ADGRL3: variants seen among roughly 807,000 people sequenced by gnomAD.
ADGRL3 encodes the protein calcium-independent alpha-latrotoxin receptor 3.
A neutral mutation model predicts 153.5 loss-of-function variants in ADGRL3; 62 were observed. The ratio of observed to expected loss-of-function variants is 0.40; its 90% CI spans 0.33 to 0.50. The LOEUF is 0.50. Among genes scored for constraint, ADGRL3 ranks in the 20% least tolerant of loss-of-function variants. The pLI, the probability that ADGRL3 is intolerant of heterozygous loss-of-function variation, is 0.47. For synonymous variants in ADGRL3, 710 were observed against 672.5 expected, an observed-to-expected ratio of 1.06 and a Z score of -0.86; for missense variants, 1,641 against 1,859.4, an observed-to-expected ratio of 0.88 and a Z score of 2.16.
chr4:61,969,921 A>G (rs1355281128), intron 17 of ADGRL3, among the ~76,000 whole-genome samples: 1 of 152,066 alleles, frequency 6.6e-6, no homozygotes, highest in Non-Finnish European at 1.5e-5. Context: ...ATTTCTTTTA[A>G]CCTTCTGCAT....
At chr4:61,249,879 A>G (rs776510816) in intron 1 of ADGRL3, among the ~76,000 whole-genome samples, 2 of 152,226 alleles carry the variant, frequency 1.3e-5, no homozygotes, top group Non-Finnish European at 2.9e-5. Flanking sequence ...GGCCTGGAAC[A>G]TAGTAAACAT....
intron 1 of ADGRL3, among the ~76,000 whole-genome samples, chr4:61,227,051 A>G (rs1425781053): frequency 6.6e-6 from 1 of 151,662 alleles, no homozygotes; most frequent in Non-Finnish European, 1.5e-5. Context: ...TTTTTAATTT[A>G]TGTTTTCTGA....
At chr4:61,351,993 T>C (rs927067807) in intron 1 of ADGRL3, among the ~76,000 whole-genome samples, 5 of 152,186 alleles carry the variant, frequency 3.3e-5, no homozygotes, top group African/African-American at 7.2e-5. Context: ...ATTCCTCTGA[T>C]GGATTCAGGC....
chr4:61,244,079 C>CT (rs1756091063), intron 1 of ADGRL3, among the ~76,000 whole-genome samples: 1 of 151,946 alleles, frequency 6.6e-6, no homozygotes, highest in African/African-American at 2.4e-5. Context: ...CCCTATCTGT[C>CT]ATATTTTATA....
At chr4:61,425,126 G>A (rs1315248525) in intron 2 of ADGRL3, among the ~76,000 whole-genome samples, 1 of 152,130 alleles carries the variant, frequency 6.6e-6, no homozygotes, top group Non-Finnish European at 1.5e-5. Context: ...TTATATTTGT[G>A]CAGGCTATGG....
At chr4:61,823,891 C>T (rs1399936673) in intron 9 of ADGRL3, among the ~76,000 whole-genome samples, 4 of 151,970 alleles carry the variant, frequency 2.6e-5, no homozygotes, top group African/African-American at 9.7e-5. Context: ...GAAACCCTGT[C>T]TCTACTAAAA....
At chr4:61,831,729 A>C (rs1264891962) in intron 9 of ADGRL3, among the ~76,000 whole-genome samples, 1 of 152,114 alleles carries the variant, frequency 6.6e-6, no homozygotes, top group East Asian at 1.9e-4. Flanking sequence ...AACTCAAATA[A>C]AATTTTTAAG....
At chr4:61,566,376 C>T (rs7699387) in intron 4 of ADGRL3, among the ~76,000 whole-genome samples, 51,604 of 151,974 alleles carry the variant, frequency 0.34, 11,061 homozygotes, top group Non-Finnish European at 0.48. Context: ...TGTAAAGACC[C>T]TGTCTTCCAA....
intron 4 of ADGRL3, among the ~76,000 whole-genome samples, chr4:61,568,438 G>A (rs1458549349): frequency 6.6e-6 from 1 of 151,846 alleles, no homozygotes; most frequent in Non-Finnish European, 1.5e-5. Context: ...GAAATTCATG[G>A]TCTAACTACC....
At chr4:61,707,723 A>T (rs77154170) in intron 6 of ADGRL3, among the ~76,000 whole-genome samples, 11,383 of 152,244 alleles carry the variant, frequency 0.075, 515 homozygotes, top group Middle Eastern at 0.12. Flanking sequence ...GAAGTAAAAG[A>T]AAGGAAAACC....
intron 8 of ADGRL3, among the ~76,000 whole-genome samples, chr4:61,771,591 G>T (rs563809773): frequency 6.6e-6 from 1 of 152,074 alleles, no homozygotes; most frequent in Non-Finnish European, 1.5e-5. Context: ...CCTTTAATTA[G>T]TTATTTTTTT....
intron 4 of ADGRL3, among the ~76,000 whole-genome samples, chr4:61,572,156 G>T (rs1267292496): frequency 1.3e-5 from 2 of 151,964 alleles, no homozygotes; most frequent in Non-Finnish European, 2.9e-5. Flanking sequence ...AATACTTGCT[G>T]TAATAGATTT....
intron 8 of ADGRL3, among the ~76,000 whole-genome samples, chr4:61,768,745 A>G (rs1489819423): frequency 6.6e-6 from 1 of 151,960 alleles, no homozygotes; most frequent in African/African-American, 2.4e-5. Context: ...GGAAGGTGGA[A>G]GCTTGCCCAT....
intron 1 of ADGRL3, among the ~76,000 whole-genome samples, chr4:61,314,973 C>T (rs975398689): frequency 3.9e-5 from 6 of 152,122 alleles, no homozygotes; most frequent in African/African-American, 1.2e-4. Flanking sequence ...GGATACTTAC[C>T]GGATAACTGC....
At chr4:61,227,952 T>C (rs551898437) in intron 1 of ADGRL3, among the ~76,000 whole-genome samples, 52 of 152,318 alleles carry the variant, frequency 3.4e-4, no homozygotes, top group African/African-American at 1.2e-3. Context: ...GCAAAAATAG[T>C]ACAAAGAATT....
chr4:61,950,648 C>A (rs1166643982), intron 17 of ADGRL3, among the ~76,000 whole-genome samples: 3 of 152,094 alleles, frequency 2.0e-5, no homozygotes, highest in Non-Finnish European at 4.4e-5. Flanking sequence ...TTCCTTATGC[C>A]TGAAGAACAA....
chr4:61,489,045 C>G (rs2098228587), intron 2 of ADGRL3, among the ~76,000 whole-genome samples: 1 of 151,974 alleles, frequency 6.6e-6, no homozygotes, highest in East Asian at 1.9e-4. Flanking sequence ...AAATCCTTCA[C>G]TAAATGAGAA....
intron 24 of ADGRL3, among the ~76,000 whole-genome samples, chr4:62,042,531 G>T (rs148066624): frequency 1.3e-5 from 2 of 151,928 alleles, no homozygotes; most frequent in Non-Finnish European, 2.9e-5. Context: ...AACATGCCTG[G>T]CATGTTAGAG....
chr4:61,694,676 A>G (rs1251697981), intron 6 of ADGRL3, among the ~76,000 whole-genome samples: 2 of 152,140 alleles, frequency 1.3e-5, no homozygotes, highest in South Asian at 2.1e-4. Context: ...TTCTTAAAAT[A>G]AAATAACAAT....
Sources: gnomAD v4.1 joint callset for allele counts (sites outside exome capture counted in the v4.1 genomes callset) on GRCh38, gnomAD v4.1.1 for gene constraint, MANE v1.5 for transcripts, NCBI Gene and HGNC (gene_info 2026-07-23, HGNC 2026-07-21) for gene names.